The following FHIT variants were observed in gnomAD, a reference collection of about 807,000 sequenced individuals.
FHIT encodes fragile histidine triad diadenosine triphosphatase.
In FHIT, 19 loss-of-function variants were observed where a neutral mutation model predicts 17.9. The observed-to-expected ratio is 1.06, with a 90% CI of 0.74 to 1.56. The LOEUF is 1.56. FHIT is among the 40% of genes most tolerant of loss of function. The pLI, the probability that FHIT is intolerant of heterozygous loss-of-function variation, is 0.00. For synonymous variants in FHIT, 81 were observed against 69.7 expected (o/e 1.16, Z -0.81); for missense variants, 248 against 189.2 (o/e 1.31, Z -1.82).
chr3:60,841,794 G>A (rs985855220), intron 3 of FHIT, among the ~76,000 whole-genome samples: 2 of 152,022 alleles, frequency 1.3e-5, no homozygotes, highest in Admixed American at 6.6e-5. Context: ...GAATCATAAA[G>A]TTCCTCAATT....
intron 2 of FHIT, among the ~76,000 whole-genome samples, chr3:61,186,173 A>G (rs887378006): frequency 8.5e-5 from 13 of 152,216 alleles, no homozygotes; most frequent in African/African-American, 1.2e-4. Context: ...TAACTAAGTT[A>G]TTTACATCAC....
intron 4 of FHIT, among the ~76,000 whole-genome samples, chr3:60,593,863 T>C (rs974548873): frequency 6.6e-6 from 1 of 152,082 alleles, no homozygotes; most frequent in Non-Finnish European, 1.5e-5. Flanking sequence ...TCAAATTCTA[T>C]TTCACAAAAA....
At chr3:60,302,537 A>G (rs1489544847) in intron 5 of FHIT, among the ~76,000 whole-genome samples, 1 of 152,190 alleles carries the variant, frequency 6.6e-6, no homozygotes, top group Non-Finnish European at 1.5e-5. Context: ...TGATCATCAC[A>G]GTGCCTAGGA....
At chr3:60,852,582 A>G (rs985156428) in intron 3 of FHIT, among the ~76,000 whole-genome samples, 1 of 152,124 alleles carries the variant, frequency 6.6e-6, no homozygotes, top group Non-Finnish European at 1.5e-5. Context: ...ATGAGCTGCC[A>G]TATGTCATTC....
intron 3 of FHIT, among the ~76,000 whole-genome samples, chr3:60,953,723 T>C (rs891057584): frequency 6.6e-6 from 1 of 152,036 alleles, no homozygotes; most frequent in Non-Finnish European, 1.5e-5. Context: ...CCTCATCAGA[T>C]CAAAATATAA....
chr3:60,684,108 C>T (rs557773297), intron 4 of FHIT, among the ~76,000 whole-genome samples: 1 of 152,194 alleles, frequency 6.6e-6, no homozygotes, highest in South Asian at 2.1e-4. Flanking sequence ...AAAATAACCA[C>T]AAACTTTGTG....
intron 5 of FHIT, among the ~76,000 whole-genome samples, chr3:60,451,804 G>A (rs969073872): frequency 2.0e-5 from 3 of 152,072 alleles, no homozygotes; most frequent in African/African-American, 7.2e-5. Flanking sequence ...ATTGCATAAG[G>A]ACCAGAAGGT....
At chr3:60,454,888 A>G (rs1366673549) in intron 5 of FHIT, among the ~76,000 whole-genome samples, 1 of 151,978 alleles carries the variant, frequency 6.6e-6, no homozygotes, top group African/African-American at 2.4e-5. Flanking sequence ...TTTTTAAGTC[A>G]CTTACGCAAG....
chr3:60,962,235 G>T (rs942126591), intron 3 of FHIT, among the ~76,000 whole-genome samples: 2 of 152,244 alleles, frequency 1.3e-5, no homozygotes, highest in East Asian at 1.9e-4. Flanking sequence ...CTGTTTGTCT[G>T]TTATTGGTGT....
At chr3:61,046,469 A>G (rs947130533) in intron 2 of FHIT, among the ~76,000 whole-genome samples, 1 of 152,214 alleles carries the variant, frequency 6.6e-6, no homozygotes, top group Admixed American at 6.5e-5. Context: ...ATAGACCAAT[A>G]ACAGGCTCTG....
intron 4 of FHIT, among the ~76,000 whole-genome samples, chr3:60,806,198 G>T (rs925762321): frequency 2.8e-4 from 43 of 152,216 alleles, no homozygotes; most frequent in Middle Eastern, 3.4e-3. Context: ...GATTCAGTTG[G>T]GGGGCTCAGT....
chr3:60,124,021 G>C (rs1164847202), intron 5 of FHIT, among the ~76,000 whole-genome samples: 1 of 85,574 alleles, frequency 1.2e-5, no homozygotes, highest in Non-Finnish European at 2.4e-5. Flanking sequence ...GAGAGAGAGA[G>C]AGAGAGAGAG....
At chr3:60,160,144 C>G (rs989682720) in intron 5 of FHIT, among the ~76,000 whole-genome samples, 28 of 138,792 alleles carry the variant, frequency 2.0e-4, no homozygotes, top group South Asian at 1.1e-3. Context: ...GTGTGTGTGT[C>G]TGTGTGTCTG....
intron 5 of FHIT, among the ~76,000 whole-genome samples, chr3:60,341,796 C>A (rs1406093393): frequency 6.6e-6 from 1 of 151,952 alleles, no homozygotes; most frequent in African/African-American, 2.4e-5. Context: ...GCGAGGTAAC[C>A]AAAGGCTGTG....
intron 5 of FHIT, among the ~76,000 whole-genome samples, chr3:60,346,427 G>C (rs1364510698): frequency 6.6e-6 from 1 of 152,154 alleles, no homozygotes; most frequent in Admixed American, 6.5e-5. Context: ...AAGCAGACTG[G>C]AGCCAGATAT....
At chr3:61,210,540 C>T (rs1471822619) in intron 1 of FHIT, among the ~76,000 whole-genome samples, 2 of 152,228 alleles carry the variant, frequency 1.3e-5, no homozygotes, top group Non-Finnish European at 1.5e-5. Context: ...TGCCGCCTTG[C>T]AGTTTGATCT....
chr3:61,053,409 A>G (rs7642517), intron 2 of FHIT, among the ~76,000 whole-genome samples: 83,509 of 151,980 alleles, frequency 0.55, 25,896 homozygotes, highest in East Asian at 0.79. Context: ...CTGTAATCCC[A>G]ACACTTTGGG....
chr3:60,120,919 C>T lies in FHIT; in HGVS notation c.104-106767G>A, dbSNP rs142133693. ...GTTATCAGTCTTCACATAGCAGTTC[C>T]CAAATTTTGCCTTTAGGTTTATATC... On this transcript the variant is annotated intron_variant, in intron 5 of 9. Coordinates refer to ENST00000492590, the MANE Select transcript of FHIT (RefSeq NM_002012.4). 1.8e-3 allele frequency among the ~76,000 whole-genome samples: 274 copies of T among 152,140 alleles called. 1 individual carries two copies. Among genetic ancestry groups the T allele is most frequent in the African/African-American group, 6.2e-3 (258 of 41,502 alleles).
At chr3:59,760,832 A>T (rs1265389473) in intron 8 of FHIT, among the ~76,000 whole-genome samples, 2 of 146,204 alleles carry the variant, frequency 1.4e-5, no homozygotes, top group African/African-American at 5.1e-5. Flanking sequence ...TTTAGAGGTA[A>T]TTTTTTTTTT....
Sources: allele counts gnomAD v4.1 joint callset (sites outside exome capture counted in the v4.1 genomes callset), GRCh38; gene constraint gnomAD v4.1.1; transcripts MANE v1.5; gene names NCBI Gene and HGNC (gene_info 2026-07-23, HGNC 2026-07-21).